The following WDFY4 variants were observed in gnomAD, a reference collection of about 807,000 sequenced individuals.
The protein encoded by WDFY4 is WD repeat- and FYVE domain-containing protein 4.
Under a neutral mutation model 351.9 loss-of-function variants are expected in WDFY4, and 169 were observed. The ratio of observed to expected loss-of-function variants is 0.48; its 90% confidence interval spans 0.42 to 0.55. The LOEUF is 0.55. WDFY4 is among the 20% of genes least tolerant of loss of function. The probability of loss-of-function intolerance (pLI) is 0.00; values close to 1 mark genes in which losing one functional copy is unlikely to be tolerated. For missense variants in WDFY4, 3,803 were observed against 3,935.6 expected (o/e 0.97, Z 0.90); for synonymous variants, 1,622 against 1,574.6 (o/e 1.03, Z -0.71).
intron 6 of WDFY4, 144 bp downstream of exon 6, chr10:48,726,214 A>G: frequency 1.1e-6 from 1 of 948,272 alleles, no homozygotes; most frequent in Non-Finnish European, 1.5e-6. Context: ...CAAAGAAGAG[A>G]TGAATGAGCA....
At chr10:48,710,366 C>T (rs2063738069) in intron 2 of WDFY4, among the ~76,000 whole-genome samples, 1 of 152,144 alleles carries the variant, frequency 6.6e-6, no homozygotes, top group Admixed American at 6.5e-5. Flanking sequence ...AAAGGCCCTA[C>T]CTCCTGACAC....
At chr10:48,784,553 T>TTTTTTTTTTTTTTTTTTTTTTTTTTTTTC (rs2066334680) in intron 19 of WDFY4, among the ~76,000 whole-genome samples, 1 of 130,150 alleles carries the variant, frequency 7.7e-6, no homozygotes, top group African/African-American at 3.0e-5. Flanking sequence ...TTTTTTTTTT[T>TTTTTTTTTTTTTTTTTTTTTTTTTTTTTC]TTTTTTTGAG....
At chr10:48,817,207 A>G in intron 31 of WDFY4, 38 bp from the exon 32 acceptor site, 2 of 1,545,292 alleles carry the variant, frequency 1.3e-6, no homozygotes, top group Non-Finnish European at 1.8e-6. Flanking sequence ...AGCGCCCATC[A>G]TGCTGCCCTG....
At chr10:48,884,510 G>A (rs1402582554) in intron 43 of WDFY4, among the ~76,000 whole-genome samples, 2 of 151,854 alleles carry the variant, frequency 1.3e-5, no homozygotes, top group Non-Finnish European at 2.9e-5. Flanking sequence ...AGACACACAT[G>A]TGCAACCACA....
intron 19 of WDFY4, among the ~76,000 whole-genome samples, chr10:48,784,194 G>A (rs1270975220): frequency 6.6e-6 from 1 of 152,154 alleles, no homozygotes; most frequent in Non-Finnish European, 1.5e-5. Context: ...TCATCTATCT[G>A]GGATGAATTC....
Position 48,970,296 on chromosome 10 carries a change from T to C in WDFY4, c.8928+7T>C. 3 of 1,549,540 alleles carry C rather than the reference T, an allele frequency of 1.9e-6. No individual in the cohort carries two copies. Among genetic ancestry groups the C allele is most frequent in the Non-Finnish European group, 2.6e-6 (3 of 1,146,940 alleles). The stretch of plus-strand genomic sequence containing the variant: ...GGGCTTGCGCCTCCGGCAGGTATGG[T>C]CCAGCTCGTGCAGGTGCGGTCCTCA... On this transcript the variant is annotated splice_region_variant and intron_variant, in intron 57 of 61. Coordinates refer to ENST00000325239, the MANE Select transcript of WDFY4 (RefSeq NM_001394531.1).
chr10:48,744,758 T>C (rs769035661), intron 12 of WDFY4, among the ~76,000 whole-genome samples: 9 of 152,206 alleles, frequency 5.9e-5, no homozygotes, highest in Non-Finnish European at 1.5e-5. Flanking sequence ...AATGCACTTC[T>C]GTTTGTTCTT....
At chr10:48,833,170 T>TGAGA (rs535221665) in intron 39 of WDFY4, among the ~76,000 whole-genome samples, 34,171 of 137,044 alleles carry the variant, frequency 0.25, 4,689 homozygotes, top group East Asian at 0.68. Flanking sequence ...TGTGTGTGTG[T>TGAGA]GTGAGAGAGA....
chr10:48,787,909 CTTCTT>C (rs1565198742), intron 20 of WDFY4, among the ~76,000 whole-genome samples: 23 of 37,774 alleles, frequency 6.1e-4, no homozygotes, highest in African/African-American at 3.3e-3. Context: ...TCTTCTTCTT[CTTCTT>C]CTTCTTCTTC....
At chr10:48,770,907 G>A (rs1328543142) in intron 13 of WDFY4, among the ~76,000 whole-genome samples, 2 of 152,200 alleles carry the variant, frequency 1.3e-5, no homozygotes, top group African/African-American at 4.8e-5. Flanking sequence ...AGCAATGCTG[G>A]CAAATGGTCA....
At chr10:48,706,495 C>G (rs2063631792) in intron 1 of WDFY4, among the ~76,000 whole-genome samples, 1 of 152,162 alleles carries the variant, frequency 6.6e-6, no homozygotes, top group African/African-American at 2.4e-5. Flanking sequence ...TGAGAAACAA[C>G]AGAGATGCAC....
rs1329830656 is a variant in WDFY4, at chr10:48,873,673, G to A, written c.6924G>A (p.Glu2308=). ...GCATCAAACGCTTGTCTCCTTTGGA[G>A]GCCCTGAGCTCAGGAAGGCACAAGG... ...RKRIKRLSPL[E]ALSSGRHKES... is the part of the protein sequence containing the mutation. The change falls in exon 41 of 62, where the codon GAG becomes GAA. Residue 2308 remains glutamate (E), a synonymous_variant. Transcript: ENST00000325239. 1 of 1,551,860 alleles carries A rather than the reference G, an allele frequency of 6.4e-7. No individual in the cohort carries two copies. The highest frequency in any genetic ancestry group is 2.0e-5 in the Admixed American group (1 of 51,018).
chr10:48,965,486 T>C (rs1842034186), intron 54 of WDFY4, among the ~76,000 whole-genome samples: 1 of 152,234 alleles, frequency 6.6e-6, no homozygotes, highest in Non-Finnish European at 1.5e-5. Context: ...CTGTTTGCAT[T>C]GATCGCCCAC....
At chr10:48,777,293 TGGTCTAAGGAGGGTTACA>T in intron 16 of WDFY4, 108 bp from the exon 17 acceptor site, 6 of 909,910 alleles carry the variant, frequency 6.6e-6, no homozygotes, top group Non-Finnish European at 1.0e-5. Flanking sequence ...TGGGACCTTA[TGGTCTAAGGAGGGTTACA>T]GTGCCGGCAG....
chr10:48,874,199 C>G (rs74130678), intron 41 of WDFY4, among the ~76,000 whole-genome samples: 1 of 152,222 alleles, frequency 6.6e-6, no homozygotes, highest in Non-Finnish European at 1.5e-5. Context: ...TCCACTCATT[C>G]CAAACAACAT....
intron 2 of WDFY4, among the ~76,000 whole-genome samples, chr10:48,711,245 T>C (rs1478158426): frequency 6.6e-6 from 1 of 152,250 alleles, no homozygotes; most frequent in Non-Finnish European, 1.5e-5. Context: ...TCACTGTCCA[T>C]TAATTCATCA....
chr10:48,773,974 C>G lies in WDFY4; in HGVS notation c.2554-484C>G, dbSNP rs185015018. Among the ~76,000 whole-genome samples, 278 of 152,298 alleles carry G rather than the reference C, an allele frequency of 1.8e-3. 2 individuals are homozygous for G. The highest frequency in any genetic ancestry group is 6.0e-3 in the African/African-American group (248 of 41,554). On this transcript the variant is annotated intron_variant, in intron 13 of 61. Coordinates refer to ENST00000325239, the MANE Select transcript of WDFY4 (RefSeq NM_001394531.1). ...GGGGATGTTGGACCCCTGGAGGGCA[C>G]AGCTCCCACCCAGCACCAGCCACCT...
At chr10:48,899,191 G>A (rs568350179) in intron 45 of WDFY4, among the ~76,000 whole-genome samples, 3 of 152,246 alleles carry the variant, frequency 2.0e-5, no homozygotes, top group Admixed American at 2.0e-4. Context: ...ATTCTCCCAG[G>A]AGAAAGGCAG....
At chr10:48,688,526 T>C (rs547207755) in intron 1 of WDFY4, among the ~76,000 whole-genome samples, 3 of 152,360 alleles carry the variant, frequency 2.0e-5, no homozygotes, top group African/African-American at 2.4e-5. Flanking sequence ...TGACTAGACA[T>C]ATCCCTAAGT....
Sources: gnomAD v4.1 joint callset for allele counts (sites outside exome capture counted in the v4.1 genomes callset) on GRCh38, gnomAD v4.1.1 for gene constraint, MANE v1.5 for transcripts, NCBI Gene and HGNC (gene_info 2026-07-23, HGNC 2026-07-21) for gene names.